The following ZMYND8 variants were observed in gnomAD, a reference collection of about 807,000 sequenced individuals.
ZMYND8 encodes zinc finger MYND-type containing 8.
A neutral mutation model predicts 140.8 loss-of-function variants in ZMYND8; 37 were observed. That is an observed-to-expected ratio of 0.26 (90% confidence interval 0.20 to 0.35). The LOEUF (loss-of-function observed/expected upper bound fraction) is 0.35. Among genes scored for constraint, ZMYND8 ranks in the 10% least tolerant of loss-of-function variants. The probability of loss-of-function intolerance (pLI) is 1.00; values close to 1 mark genes in which losing one functional copy is unlikely to be tolerated. For synonymous variants in ZMYND8, 592 were observed against 597.1 expected, an observed-to-expected ratio of 0.99 and a Z score of 0.12; for missense variants, 1,068 against 1,570.0, an observed-to-expected ratio of 0.68 and a Z score of 5.40.
intron 2 of ZMYND8, among the ~76,000 whole-genome samples, chr20:47,327,336 C>A (rs1601957270): frequency 6.6e-6 from 1 of 151,020 alleles, no homozygotes; most frequent in East Asian, 2.0e-4. Context: ...AAAATAAGGT[C>A]ATTCACAGAT....
At chr20:47,224,918 C>G (rs752613383) in intron 18 of ZMYND8, among the ~76,000 whole-genome samples, 2 of 150,318 alleles carry the variant, frequency 1.3e-5, no homozygotes, top group East Asian at 3.9e-4. Flanking sequence ...CCTTTTCCCC[C>G]CTATCAATCA....
intron 8 of ZMYND8, 71 bp from the exon 9 acceptor site, chr20:47,283,719 G>A (rs2076749286): frequency 1.4e-6 from 2 of 1,470,520 alleles, no homozygotes; most frequent in African/African-American, 2.8e-5. Context: ...ATCAATGCTT[G>A]ATGATTTTGA....
chr20:47,311,731 G>A (rs574073601), intron 2 of ZMYND8, among the ~76,000 whole-genome samples: 47 of 152,282 alleles, frequency 3.1e-4, no homozygotes, highest in Admixed American at 5.2e-4. Context: ...TTAGCTGGGT[G>A]TGGTGGCACA....
intron 6 of ZMYND8, among the ~76,000 whole-genome samples, chr20:47,291,354 G>GA (rs1202385417): frequency 6.6e-6 from 1 of 152,164 alleles, no homozygotes; most frequent in Non-Finnish European, 1.5e-5. Context: ...AGGCATTCAA[G>GA]AAAAAACCTA....
chr20:47,288,115 C>T (rs966421013), intron 7 of ZMYND8, among the ~76,000 whole-genome samples: 1 of 152,140 alleles, frequency 6.6e-6, no homozygotes, highest in Non-Finnish European at 1.5e-5. Context: ...AGATTTCACA[C>T]ACACAAACAC....
intron 12 of ZMYND8, among the ~76,000 whole-genome samples, chr20:47,260,311 G>C (rs1444801779): frequency 1.3e-5 from 2 of 152,096 alleles, no homozygotes; most frequent in Non-Finnish European, 2.9e-5. Flanking sequence ...GGCTTCTTCT[G>C]AGATGTGAAG....
In ZMYND8 at chr20:47,276,220, T is replaced by C. The variant is rs527943689; in HGVS notation, c.1480+94A>G. 1.4e-3 allele frequency: 1,936 copies of C among 1,427,522 alleles called. 49 individuals carry two copies. In the South Asian group the frequency reaches 0.032, roughly 24 times the overall value. The allele number at this position is 1,427,522 out of a possible 1,614,324, so 88.4% of individuals were successfully genotyped here. ...GCCCCCTACAGTTCCCCACGATTGCTTGATGCTCACCTGCTTGGGCCCACC... is the reference window on the plus strand; with the variant it reads ...GCCCCCTACAGTTCCCCACGATTGCCTGATGCTCACCTGCTTGGGCCCACC... On this transcript the variant is annotated intron_variant, in intron 11 of 22. Transcript: ENST00000471951.
intron 14 of ZMYND8, among the ~76,000 whole-genome samples, chr20:47,241,972 C>T (rs992674269): frequency 6.6e-6 from 1 of 152,098 alleles, no homozygotes; most frequent in Non-Finnish European, 1.5e-5. Context: ...TGCCCGCCAC[C>T]ATGCCCAGCT....
chr20:47,333,014 GAGTT>G (rs1383970743), intron 2 of ZMYND8, among the ~76,000 whole-genome samples: 2 of 152,122 alleles, frequency 1.3e-5, no homozygotes, highest in African/African-American at 4.8e-5. Context: ...ACTCACGATG[GAGTT>G]ACAGATGATA....
At chr20:47,350,723 G>A (rs1489873962) in intron 1 of ZMYND8, among the ~76,000 whole-genome samples, 1 of 152,140 alleles carries the variant, frequency 6.6e-6, no homozygotes, top group Non-Finnish European at 1.5e-5. Flanking sequence ...TTAGAACATA[G>A]ACAGCTTATT....
chr20:47,338,565 T>C (rs1289779269), intron 2 of ZMYND8, among the ~76,000 whole-genome samples: 1 of 152,194 alleles, frequency 6.6e-6, no homozygotes, highest in Non-Finnish European at 1.5e-5. Flanking sequence ...ACTTCAGCTC[T>C]GGGAACCTCA....
At chr20:47,313,902 C>A (rs1169256740) in intron 2 of ZMYND8, among the ~76,000 whole-genome samples, 1 of 152,008 alleles carries the variant, frequency 6.6e-6, no homozygotes, top group Non-Finnish European at 1.5e-5. Flanking sequence ...GACTGCACTC[C>A]AGCCTGGGCA....
At chr20:47,230,295 T>C (rs1180683427) in intron 16 of ZMYND8, among the ~76,000 whole-genome samples, 1 of 150,208 alleles carries the variant, frequency 6.7e-6, no homozygotes, top group Non-Finnish European at 1.5e-5. Flanking sequence ...TTTTTTTTGT[T>C]GTTTTTTTTT....
At chr20:47,356,404 A>G (rs1235766725) in intron 1 of ZMYND8, 15 of 1,531,498 alleles carry the variant, frequency 9.8e-6, no homozygotes, top group Non-Finnish European at 1.3e-5. Flanking sequence ...AAACTCTTCC[A>G]GAAACACCAT....
chr20:47,309,978 A>T lies in ZMYND8; in HGVS notation c.234+78T>A. ...ACTAAATCCAAGAAAGCCGGCGCTTACAAGGATCCAGAGGTTCAGCGCTAC... is the reference window on the plus strand; with the variant it reads ...ACTAAATCCAAGAAAGCCGGCGCTTTCAAGGATCCAGAGGTTCAGCGCTAC... On this transcript the variant is annotated intron_variant, in intron 3 of 22. Coordinates refer to ENST00000471951, the MANE Select transcript of ZMYND8 (RefSeq NM_001281775.3). 2 of 1,581,152 alleles carry T rather than the reference A, an allele frequency of 1.3e-6. 1 individual carries two copies.
At chr20:47,251,035 G>A (rs6012144) in intron 12 of ZMYND8, among the ~76,000 whole-genome samples, 62,328 of 120,902 alleles carry the variant, frequency 0.52, 12,996 homozygotes, top group African/African-American at 0.58. Flanking sequence ...TTTTTTGAAG[G>A]AAAAAAAAGG....
At chr20:47,259,646 C>G (rs11696358) in intron 12 of ZMYND8, among the ~76,000 whole-genome samples, 11,155 of 152,134 alleles carry the variant, frequency 0.073, 546 homozygotes, top group Non-Finnish European at 0.11. Flanking sequence ...GCTACTCCAC[C>G]CCTTGCTTCT....
intron 11 of ZMYND8, among the ~76,000 whole-genome samples, chr20:47,265,222 C>T (rs2075435474): frequency 6.6e-6 from 1 of 152,000 alleles, no homozygotes; most frequent in African/African-American, 2.4e-5. Flanking sequence ...ACCGGGGCTT[C>T]TCTAATTGTA....
In ZMYND8 at chr20:47,210,636, T is replaced by G. The variant is rs747814760; in HGVS notation, c.*125A>C. 1.9e-6 allele frequency: 3 copies of G among 1,547,364 alleles called. No homozygotes were observed. Among genetic ancestry groups the G allele is most frequent in the Non-Finnish European group, 1.8e-6 (2 of 1,123,482 alleles). On this transcript the variant is annotated 3_prime_UTR_variant, in exon 23 of 23. Coordinates refer to ENST00000471951, the MANE Select transcript of ZMYND8 (RefSeq NM_001281775.3). ...CAGCCCCCGCGCCGGGGGCTCAGGC[T>G]CAACTGAGGGTTTTGTCATTTTCAA...
Sources: allele counts gnomAD v4.1 joint callset (sites outside exome capture counted in the v4.1 genomes callset), GRCh38; gene constraint gnomAD v4.1.1; transcripts MANE v1.5; gene names NCBI Gene and HGNC (gene_info 2026-07-23, HGNC 2026-07-21).